Variants in FAT1 observed in about 807,000 individuals in gnomAD.
The protein encoded by FAT1 is protocadherin Fat 1.
Under a neutral mutation model 329.8 loss-of-function variants are expected in FAT1, and 171 were observed. The observed-to-expected ratio is 0.52, with a 90% CI of 0.46 to 0.59. The LOEUF (loss-of-function observed/expected upper bound fraction) is 0.59. Ranked by LOEUF, FAT1 falls within the 20% of genes least tolerant of loss-of-function variation. The pLI, the probability that FAT1 is intolerant of heterozygous loss-of-function variation, is 0.00. For missense variants in FAT1, 5,672 were observed against 5,774.4 expected, an observed-to-expected ratio of 0.98 and a Z score of 0.57; for synonymous variants, 2,233 against 2,228.6, an observed-to-expected ratio of 1.00 and a Z score of -0.06.
rs200828005 is a variant in FAT1 at position 186,628,751 on chromosome 4, C to T, written c.4336G>A (p.Val1446Ile). Residue 1446 changes from valine to isoleucine, a missense_variant, in exon 8 of 27, where the codon GTA becomes ATA. Coordinates refer to ENST00000441802, the MANE Select transcript of FAT1 (RefSeq NM_005245.4). ...GGACGATGGTCATTTGTGTCTATTA[C>T]TTTGATGAATACCTGTAATGGATGA... ...TTILTQVFIKVIDTNDHRPQF... is the reference protein window; with the variant it reads ...TTILTQVFIKIIDTNDHRPQF... 1.2e-4 allele frequency: 194 copies of T among 1,612,744 alleles called. No homozygotes were observed. In the African/African-American group the frequency reaches 2.3e-3, roughly 19 times the overall value.
At chr4:186,724,309 G>T (rs936435656), upstream of FAT1, among the ~76,000 whole-genome samples, 6 of 151,846 alleles carry the variant, frequency 4.0e-5, no homozygotes, top group Admixed American at 6.6e-5. The surrounding 1 kb of genome is among the most constrained non-coding windows in gnomAD (Gnocchi z 5.3). Context: ...CTCTGGGTCC[G>T]CGAAGGTTTG....
rs367980391 is a variant in FAT1, at chr4:186,603,544, C to T, written c.10982G>A (p.Arg3661His). 43 of 1,613,818 alleles carry T rather than the reference C, an allele frequency of 2.7e-5. No individual in the cohort carries two copies. Among genetic ancestry groups the T allele is most frequent in the Non-Finnish European group, 3.5e-5 (41 of 1,179,892 alleles). Reference protein sequence around the residue: ...TPEEFVGDYWRNFQRALRNIL... With the variant: ...TPEEFVGDYWHNFQRALRNIL... ...GTTCCGTAAAGCTCGCTGGAAGTTG[C>T]GCCAGTAGTCACCAACGAATTCTTC... Residue 3661 changes from arginine to histidine, a missense_variant, in exon 19 of 27, where the codon CGC (arginine) becomes CAC (histidine). Around this residue, in one of 2 missense-constraint regions of FAT1, gnomAD observed 1,706 missense variants for 1,859.1 expected, o/e 0.92. Transcript: ENST00000441802.
rs2126555849 is a variant in FAT1, at chr4:186,633,707, C to A, written c.4300G>T (p.Gly1434Ter). ...ACCTGAGTGAGGATAGTGGTGGTTC[C>A]ATCTGTAGCCTCGACTGTGAGGTTG... The part of the protein sequence containing the change: ...NYNLTVEATD[G>*]TTTILTQVFI... The change falls in exon 7 of 27, where the codon GGA becomes TGA. Residue 1434 changes from glycine to a stop codon, truncating the protein, a stop_gained. Transcript: ENST00000441802. LOFTEE classifies it high-confidence loss of function. The A allele has an allele frequency of 6.2e-7, 1 of 1,613,902 alleles. No homozygotes were observed. The highest frequency in any genetic ancestry group is 1.1e-5 in the South Asian group (1 of 91,082).
Position 186,612,949 on chromosome 4 carries a change from A to G in FAT1, c.9463+160T>C, listed in dbSNP as rs143480657. On this transcript the variant is annotated intron_variant, in intron 13 of 26. Coordinates refer to ENST00000441802, the MANE Select transcript of FAT1 (RefSeq NM_005245.4). ...TTTGGAACTTTAAATATTCATTAAAAATTAATTAATTATTCTAAAGATTTC... is the reference window on the plus strand; with the variant it reads ...TTTGGAACTTTAAATATTCATTAAAGATTAATTAATTATTCTAAAGATTTC... 3.7e-3 allele frequency among the ~76,000 whole-genome samples: 562 copies of G among 152,168 alleles called. 1 individual carries two copies. Among genetic ancestry groups the G allele is most frequent in the Non-Finnish European group, 5.8e-3 (392 of 68,014 alleles).
In FAT1 at chr4:186,619,039, G is replaced by A. The variant is rs1268404332; in HGVS notation, c.7547C>T (p.Thr2516Ile). The A allele has an allele frequency of 6.2e-7, 1 of 1,614,008 alleles. No individual in the cohort carries two copies. The highest frequency in any genetic ancestry group is 2.2e-5 in the East Asian group (1 of 44,878). The part of the protein sequence containing the change: ...PLHTLVMEVK[T>I]TDGDSGIYGH... Reference sequence around the variant, plus strand: ...ATAAATACCAGAATCCCCATCCGTAGTTTTCACCTCCATCACCAGGGTATG... The same window carrying A: ...ATAAATACCAGAATCCCCATCCGTAATTTTCACCTCCATCACCAGGGTATG... The change falls in exon 10 of 27, where the codon ACT (threonine) becomes ATT (isoleucine). Residue 2516 changes from threonine (T) to isoleucine (I), a missense_variant. Thr to Ile is a moderately conservative substitution (Grantham distance 89). Transcript: ENST00000441802.
rs2126687169 is a variant in FAT1, at chr4:186,707,273, C to G, written c.2555G>C (p.Gly852Ala). 6.2e-7 allele frequency: 1 copy of G among 1,613,928 alleles called. No individual in the cohort carries two copies. Among genetic ancestry groups the G allele is most frequent in the Non-Finnish European group, 8.5e-7 (1 of 1,179,876 alleles). ...TGAGTACGTCACGTGTCCGTTGGGC[C>G]CCAGGTCTTTATCTGTGGCTTCAAC... Reference protein sequence around the residue: ...IQVEATDKDLGPNGHVTYSIV... With the variant: ...IQVEATDKDLAPNGHVTYSIV... The change falls in exon 2 of 27, where the codon GGG (glycine) becomes GCG (alanine). Residue 852 changes from glycine (G) to alanine (A), a missense_variant. Around this residue, in one of 2 missense-constraint regions of FAT1, gnomAD observed 3,966 missense variants for 3,915.2 expected, o/e 1.01. Coordinates refer to ENST00000441802, the MANE Select transcript of FAT1 (RefSeq NM_005245.4).
Position 186,617,790 on chromosome 4 carries a change from G to A in FAT1, c.8796C>T (p.Pro2932=), listed in dbSNP as rs1739785273. The part of the protein sequence containing the change: ...IYKGTVSEDD[P]QGGVIAILST... ...TTAAGATGGCAATCACCCCACCTTG[G>A]GGGTCATCCTCACTCACAGTCCCTT... Residue 2932 remains proline (P), a synonymous_variant, in exon 10 of 27, where the codon CCC becomes CCT. Coordinates refer to ENST00000441802, the MANE Select transcript of FAT1 (RefSeq NM_005245.4). 1.2e-6 allele frequency: 2 copies of A among 1,613,746 alleles called. No individual in the cohort carries two copies. Among genetic ancestry groups the A allele is most frequent in the Non-Finnish European group, 1.7e-6 (2 of 1,179,836 alleles).
intron 21 of FAT1, 89 bp from the exon 22 acceptor site, chr4:186,600,449 G>T: frequency 1.8e-6 from 2 of 1,127,736 alleles, no homozygotes; most frequent in Non-Finnish European, 2.5e-6. Flanking sequence ...AGGGCTTAGG[G>T]AGTGAGGGTA....
rs1413157814 is a variant in FAT1, at chr4:186,675,817, AC to A, written c.3266-12205del. Among the ~76,000 whole-genome samples the A allele has an allele frequency of 4.7e-5, 7 of 147,558 alleles. No homozygotes were observed. In the East Asian group the frequency reaches 7.9e-4, roughly 17 times the overall value. ...CACACACACACACACACACACACAC[AC>A]ACACACAATTAATTTTTAAAAGCTG... On this transcript the variant is annotated intron_variant, in intron 2 of 26. Transcript: ENST00000441802.
chr4:186,664,754 T>A (rs1043334197), intron 2 of FAT1, among the ~76,000 whole-genome samples: 6 of 152,216 alleles, frequency 3.9e-5, no homozygotes, highest in African/African-American at 1.4e-4. Context: ...TCTCATGGAT[T>A]GATCACTCGG....
chr4:186,698,426 CA>C (rs1744140081), intron 2 of FAT1, among the ~76,000 whole-genome samples: 1 of 152,148 alleles, frequency 6.6e-6, no homozygotes, highest in Admixed American at 6.5e-5. Flanking sequence ...CGTGCGCCCA[CA>C]AAGAGCTGAC....
chr4:186,589,424 T>C (rs575391078), intron 26 of FAT1, among the ~76,000 whole-genome samples: 1 of 152,196 alleles, frequency 6.6e-6, no homozygotes, highest in Non-Finnish European at 1.5e-5. Flanking sequence ...TAGGCTCTAG[T>C]TCTAAAATGT....
At chr4:186,676,306 G>A (rs901414933) in intron 2 of FAT1, among the ~76,000 whole-genome samples, 1 of 150,792 alleles carries the variant, frequency 6.6e-6, no homozygotes, top group Non-Finnish European at 1.5e-5. Context: ...AAAACAGGGA[G>A]AAGAGGATAT....
chr4:186,592,861 G>A (rs1738312157), intron 26 of FAT1: 3 of 427,698 alleles, frequency 7.0e-6, no homozygotes, highest in Admixed American at 2.5e-5. Flanking sequence ...GATTCCAACC[G>A]ATGAGTGCTT....
chr4:186,596,906 G>A lies in FAT1; in HGVS notation c.12634C>T (p.His4212Tyr), dbSNP rs1209718053. Reference sequence around the variant, plus strand: ...TGCTTGTCTTTAGGTTCAGCCTGATGCTTCTTTTTCCGACTAATCATCTTA... The same window carrying A: ...TGCTTGTCTTTAGGTTCAGCCTGATACTTCTTTTTCCGACTAATCATCTTA... ...CRKMISRKKK[H>Y]QAEPKDKHLG... Residue 4212 changes from histidine (H) to tyrosine (Y), a missense_variant, in exon 25 of 27, where the codon CAT becomes TAT. By Grantham distance (83) the His-to-Tyr change is moderately conservative. Coordinates refer to ENST00000441802, the MANE Select transcript of FAT1 (RefSeq NM_005245.4). The surrounding 1 kb of genome is among the most constrained non-coding windows in gnomAD (Gnocchi z 4.7). The A allele has an allele frequency of 6.2e-7, 1 of 1,614,050 alleles. No individual in the cohort carries two copies. The highest frequency in any genetic ancestry group is 1.1e-5 in the South Asian group (1 of 91,086).
chr4:186,595,478 T>C (rs186090753), intron 26 of FAT1, among the ~76,000 whole-genome samples: 114 of 152,336 alleles, frequency 7.5e-4, no homozygotes, highest in Non-Finnish European at 2.1e-4. Context: ...TCTCTATTAC[T>C]GACAAGTTCA....
At chr4:186,688,316 T>C (rs1402157069) in intron 2 of FAT1, among the ~76,000 whole-genome samples, 1 of 152,060 alleles carries the variant, frequency 6.6e-6, no homozygotes, top group East Asian at 1.9e-4. Context: ...TGAAGGAATC[T>C]TCACTCTCCA....
rs1187181126 is a variant in FAT1, at chr4:186,636,111, G to C, written c.4097C>G (p.Thr1366Ser). The C allele has an allele frequency of 6.2e-7, 1 of 1,613,870 alleles. No homozygotes were observed. The highest frequency in any genetic ancestry group is 1.7e-5 in the Admixed American group (1 of 60,010). The change falls in exon 6 of 27, where the codon ACT (threonine) becomes AGT (serine). Residue 1366 changes from threonine to serine, a missense_variant. Coordinates refer to ENST00000441802, the MANE Select transcript of FAT1 (RefSeq NM_005245.4). ...ISFEESFFTF[T>S]VMESDPVAHM... ...AGCAACGGGGTCACTTTCCATCACA[G>C]TAAAGGTAAAAAATGATTCTTCAAA...
chr4:186,703,279 C>A (rs1404670899), intron 2 of FAT1, among the ~76,000 whole-genome samples: 1 of 152,134 alleles, frequency 6.6e-6, no homozygotes, highest in African/African-American at 2.4e-5. Flanking sequence ...CAGGACTGTC[C>A]GTTTGGTGAC....
Sources: gnomAD v4.1 joint callset for allele counts (sites outside exome capture counted in the v4.1 genomes callset) on GRCh38, gnomAD v4.1.1 for gene constraint, gnomAD v4.1.1 regional missense constraint, Gnocchi (gnomAD v3.1) non-coding constraint, MANE v1.5 for transcripts, NCBI Gene and HGNC (gene_info 2026-07-23, HGNC 2026-07-21) for gene names.